ERCC6L: variants seen among roughly 807,000 people sequenced by gnomAD.
The protein encoded by ERCC6L is DNA excision repair protein ERCC-6-like.
A neutral mutation model predicts 20.1 loss-of-function variants in ERCC6L; 7 were observed. The ratio of observed to expected loss-of-function variants is 0.35; its 90% CI spans 0.20 to 0.65. The LOEUF (loss-of-function observed/expected upper bound fraction) is 0.65. ERCC6L is among the 30% of genes least tolerant of loss of function. The probability of loss-of-function intolerance (pLI) is 0.69; values close to 1 mark genes in which losing one functional copy is unlikely to be tolerated. For synonymous variants in ERCC6L, 278 were observed against 331.3 expected (o/e 0.84, Z 1.75); for missense variants, 592 against 892.4 (o/e 0.66, Z 4.29).
At chrX:72,225,482 C>T (rs1189772460) in intron 1 of ERCC6L, among the ~76,000 whole-genome samples, 1 of 112,173 alleles carries the variant, frequency 8.9e-6, no homozygotes, top group Non-Finnish European at 1.9e-5. Flanking sequence ...CCCAATTAAC[C>T]TCTCCAAAAG....
At chrX:72,219,489 G>A (rs1412025335) in intron 1 of ERCC6L, among the ~76,000 whole-genome samples, 1 of 109,237 alleles carries the variant, frequency 9.2e-6, no homozygotes, top group Non-Finnish European at 1.9e-5. Flanking sequence ...GGGAGATGGA[G>A]GTTGCAGTAA....
In ERCC6L at chrX:72,205,125, TC is replaced by T; in HGVS notation, c.3641del (p.Gly1214GlufsTer7). ...VKRGKELKEC[G>X]KIQEALNCLV... ...AGCAGTTTAGGGCCTCCTGGATTTT[TC>T]CACACTCTTTTAGTTCTTTTCCACG... On this transcript the variant is annotated frameshift_variant, in exon 2 of 2. Coordinates refer to ENST00000334463, the MANE Select transcript of ERCC6L (RefSeq NM_017669.4). LOFTEE classifies it high-confidence loss of function. The T allele has an allele frequency of 8.3e-7, 1 of 1,211,749 alleles. No homozygotes were observed. The highest frequency in any genetic ancestry group is 1.1e-6 in the Non-Finnish European group (1 of 895,433).
chrX:72,226,750 T>C (rs1231464451), intron 1 of ERCC6L, among the ~76,000 whole-genome samples: 1 of 111,545 alleles, frequency 9.0e-6, no homozygotes, highest in African/African-American at 3.3e-5. Flanking sequence ...TATCCCCTCC[T>C]TTTATCCAGA....
chrX:72,224,155 G>A (rs989219617), intron 1 of ERCC6L, among the ~76,000 whole-genome samples: 1 of 111,513 alleles, frequency 9.0e-6, no homozygotes, highest in Non-Finnish European at 1.9e-5. Context: ...CCTGGATACT[G>A]GGGCGAGCCT....
In ERCC6L at chrX:72,206,065, A is replaced by G. The variant is rs774834145; in HGVS notation, c.2702T>C (p.Ile901Thr). 7.4e-6 allele frequency: 9 copies of G among 1,210,675 alleles called. No individual in the cohort carries two copies. In the South Asian group the frequency reaches 1.6e-4, roughly 21 times the overall value. ...RHCNPWPIISITNESQNAESN... is the reference protein window; with the variant it reads ...RHCNPWPIISTTNESQNAESN... Reference sequence around the variant, plus strand: ...TTCTGCATTTTGACTTTCATTTGTTATGGAAATAATGGGCCAAGGATTGCA... The same window carrying G: ...TTCTGCATTTTGACTTTCATTTGTTGTGGAAATAATGGGCCAAGGATTGCA... Residue 901 changes from isoleucine (I) to threonine (T), a missense_variant, in exon 2 of 2, where the codon ATA becomes ACA. Around this residue, in one of 3 missense-constraint regions of ERCC6L, gnomAD observed 352 missense variants for 402.6 expected, o/e 0.87. Coordinates refer to ENST00000334463, the MANE Select transcript of ERCC6L (RefSeq NM_017669.4).
intron 1 of ERCC6L, among the ~76,000 whole-genome samples, chrX:72,229,488 T>G (rs2042971326): frequency 8.9e-6 from 1 of 111,969 alleles, no homozygotes; most frequent in African/African-American, 3.2e-5. Context: ...CTCCCTGGCC[T>G]CCTCCTTGTC....
At chrX:72,210,386 G>T (rs748373587) in intron 1 of ERCC6L, among the ~76,000 whole-genome samples, 2 of 111,062 alleles carry the variant, frequency 1.8e-5, no homozygotes, top group Non-Finnish European at 3.8e-5. Flanking sequence ...ACCAAGTGTT[G>T]GCAAGGTGTG....
intron 1 of ERCC6L, among the ~76,000 whole-genome samples, chrX:72,217,039 G>A (rs1282604931): frequency 1.8e-5 from 2 of 112,302 alleles, no homozygotes; most frequent in African/African-American, 6.5e-5. Flanking sequence ...CAGAAAAAAG[G>A]ATAATTTTGG....
At position 72,239,020 on chromosome X, in the gene ERCC6L, C is replaced by T. The variant is rs1231208409; in HGVS notation, c.-109G>A. 1 of 801,534 alleles carries T rather than the reference C, an allele frequency of 1.2e-6. No individual in the cohort carries two copies. Among genetic ancestry groups the T allele is most frequent in the Non-Finnish European group, 1.8e-6 (1 of 554,293 alleles). The allele number at this position is 801,534 out of a possible 1,213,427, so 66.1% of individuals were successfully genotyped here. On this transcript the variant is annotated 5_prime_UTR_variant, in exon 1 of 2. Transcript: ENST00000334463. ...AGCTTGAATTTCGCTCACTCCCGCC[C>T]CGCGCATGCTCTGTGCGCCGTGGAG...
At chrX:72,226,533 C>T (rs929429645) in intron 1 of ERCC6L, among the ~76,000 whole-genome samples, 60 of 112,206 alleles carry the variant, frequency 5.3e-4, no homozygotes, top group African/African-American at 1.5e-3. Flanking sequence ...GGCTATGTCA[C>T]GGCTAAGGGA....
chrX:72,210,587 G>A (rs1035917193), intron 1 of ERCC6L, among the ~76,000 whole-genome samples: 1 of 111,490 alleles, frequency 9.0e-6, no homozygotes, highest in African/African-American at 3.3e-5. Flanking sequence ...TGTAACTCTA[G>A]CCAGGCGTCT....
At chrX:72,224,907 C>G (rs955179641) in intron 1 of ERCC6L, among the ~76,000 whole-genome samples, 3 of 111,336 alleles carry the variant, frequency 2.7e-5, no homozygotes, top group Non-Finnish European at 5.7e-5. Context: ...CACCTCAACC[C>G]TAATGGATTA....
intron 1 of ERCC6L, among the ~76,000 whole-genome samples, chrX:72,232,532 G>A (rs1182451862): frequency 9.0e-6 from 1 of 111,374 alleles, no homozygotes; most frequent in Non-Finnish European, 1.9e-5. Context: ...TTTGCAGCCA[G>A]GCTTGGTGGC....
In ERCC6L at chrX:72,208,299, A is replaced by G; in HGVS notation, c.468T>C (p.Leu156=). 8.3e-7 allele frequency: 1 copy of G among 1,212,090 alleles called. No homozygotes were observed. Among genetic ancestry groups the G allele is most frequent in the Non-Finnish European group, 1.1e-6 (1 of 895,585 alleles). The part of the protein sequence containing the change: ...NHVLLIMPTN[L]INTWVKEFIK... ...TGAATTCTTTTACCCATGTGTTAAT[A>G]AGATTGGTTGGCATGATCAGCAGCA... is the stretch of plus-strand genomic sequence containing the variant. The change falls in exon 2 of 2, where the codon CTT becomes CTC. Residue 156 remains leucine (L), a synonymous_variant. Transcript: ENST00000334463.
chrX:72,207,543 C>T lies in ERCC6L; in HGVS notation c.1224G>A (p.Lys408=). ...GCAGCCTAGGATGATCACACAGCTTCTTTAAGACACCTAGCTCAGCCAAAG... is the reference window on the plus strand; with the variant it reads ...GCAGCCTAGGATGATCACACAGCTTTTTTAAGACACCTAGCTCAGCCAAAG... The part of the protein sequence containing the change: ...RSPLAELGVL[K]KLCDHPRLLS... The change falls in exon 2 of 2, where the codon AAG becomes AAA. Residue 408 remains lysine, a synonymous_variant. Transcript: ENST00000334463. 8.3e-7 allele frequency: 1 copy of T among 1,211,608 alleles called. No individual in the cohort carries two copies. The highest frequency in any genetic ancestry group is 1.1e-6 in the Non-Finnish European group (1 of 895,343).
In ERCC6L at chrX:72,238,940, G is replaced by C. The variant is rs947868433; in HGVS notation, c.-29C>G. On this transcript the variant is annotated 5_prime_UTR_variant, in exon 1 of 2. Coordinates refer to ENST00000334463, the MANE Select transcript of ERCC6L (RefSeq NM_017669.4). ...CCTCGGATTGGGTTCCAGTTACCCC[G>C]GCGGGAGTTTGGAGCTTGGAGCTTG... 1.3e-5 allele frequency: 15 copies of C among 1,166,031 alleles called. No homozygotes were observed. The highest frequency in any genetic ancestry group is 1.6e-5 in the Non-Finnish European group (14 of 867,706).
chrX:72,223,878 G>T (rs2042939953), intron 1 of ERCC6L, among the ~76,000 whole-genome samples: 1 of 111,257 alleles, frequency 9.0e-6, no homozygotes, highest in South Asian at 3.8e-4. Context: ...CTGGGCAAAG[G>T]CTTGTCCTAG....
At position 72,236,422 on chromosome X, in the gene ERCC6L, A is replaced by G. The variant is rs1328267865; in HGVS notation, c.68+2422T>C. Among the ~76,000 whole-genome samples, 4 of 111,507 alleles carry G rather than the reference A, an allele frequency of 3.6e-5. No individual in the cohort carries two copies. In the South Asian group the frequency reaches 1.1e-3, roughly 32 times the overall value. ...GAAGCAATTCTGCCTCAGCCTCCCA[A>G]GTAGCTGGGATTACAGGTGCCCGCC... On this transcript the variant is annotated intron_variant, in intron 1 of 1. Coordinates refer to ENST00000334463, the MANE Select transcript of ERCC6L (RefSeq NM_017669.4).
intron 1 of ERCC6L, among the ~76,000 whole-genome samples, chrX:72,234,188 A>G (rs1264101555): frequency 8.9e-6 from 1 of 112,368 alleles, no homozygotes; most frequent in African/African-American, 3.2e-5. Context: ...CTGGGGATTT[A>G]AATTATCTTA....
Sources: gnomAD v4.1 joint callset for allele counts (sites outside exome capture counted in the v4.1 genomes callset) on GRCh38, gnomAD v4.1.1 for gene constraint, gnomAD v4.1.1 regional missense constraint, MANE v1.5 for transcripts, NCBI Gene and HGNC (gene_info 2026-07-23, HGNC 2026-07-21) for gene names.